PCDH15: variants seen among roughly 807,000 people sequenced by gnomAD.
The protein encoded by PCDH15 is protocadherin-15.
A neutral mutation model predicts 178.5 loss-of-function variants in PCDH15; 129 were observed. That is an observed-to-expected ratio of 0.72 (90% CI 0.63 to 0.84). PCDH15 has a LOEUF of 0.84. Ranked by LOEUF, PCDH15 falls within the 40% of genes least tolerant of loss-of-function variation. The pLI is 0.00. For missense variants in PCDH15, 2,230 were observed against 2,099.9 expected (o/e 1.06, Z -1.21); for synonymous variants, 800 against 732.0 (o/e 1.09, Z -1.50).
At chr10:55,336,397 C>T (rs898006893) in intron 2 of PCDH15, among the ~76,000 whole-genome samples, 2 of 152,092 alleles carry the variant, frequency 1.3e-5, no homozygotes, top group African/African-American at 4.8e-5. Context: ...ACTCAGGAGG[C>T]TGAGGCAGGA....
chr10:54,845,474 C>T (rs1467470169), intron 3 of PCDH15, among the ~76,000 whole-genome samples: 3 of 151,992 alleles, frequency 2.0e-5, no homozygotes, highest in South Asian at 2.1e-4. Flanking sequence ...GTTGCCATTC[C>T]GTAATTTGAC....
rs560663619 is a variant in PCDH15, at chr10:54,524,880, A to G, written c.157+2932T>C. Among the ~76,000 whole-genome samples, 7 of 152,340 alleles carry G rather than the reference A, an allele frequency of 4.6e-5. No homozygotes were observed. The East Asian group carries it at 1.2e-3, about 25-fold the overall frequency. ...TCTCTTGTTCAGCCCAAGATGATGTAATGAATCTGTCATTAAGGTGCTGTT... is the reference window on the plus strand; with the variant it reads ...TCTCTTGTTCAGCCCAAGATGATGTGATGAATCTGTCATTAAGGTGCTGTT... On this transcript the variant is annotated intron_variant, in intron 3 of 37. Transcript: ENST00000644397.
At chr10:55,227,407 T>C (rs1841080350) in intron 1 of PCDH15, among the ~76,000 whole-genome samples, 3 of 145,246 alleles carry the variant, frequency 2.1e-5, no homozygotes, top group African/African-American at 7.7e-5. Context: ...GAACAAGACA[T>C]GGAATGGGGA....
At chr10:55,132,906 AG>A (rs1400152278) in intron 2 of PCDH15, among the ~76,000 whole-genome samples, 1 of 152,202 alleles carries the variant, frequency 6.6e-6, no homozygotes, top group East Asian at 1.9e-4. Flanking sequence ...CTTATAAATA[AG>A]TTCTTCCTAA....
chr10:55,452,881 G>T (rs929555096), intron 2 of PCDH15, among the ~76,000 whole-genome samples: 10 of 152,058 alleles, frequency 6.6e-5, no homozygotes, highest in African/African-American at 2.2e-4. Context: ...TACCTTCAAA[G>T]AGTATATACT....
chr10:54,420,125 T>C (rs1774651), intron 3 of PCDH15, among the ~76,000 whole-genome samples: 31,255 of 152,014 alleles, frequency 0.21, 3,992 homozygotes, highest in African/African-American at 0.36. Context: ...AGATGGTAGG[T>C]ATATATAAAA....
chr10:54,900,416 A>T (rs1338361655), intron 2 of PCDH15, among the ~76,000 whole-genome samples: 2 of 152,204 alleles, frequency 1.3e-5, no homozygotes, highest in African/African-American at 2.4e-5. Context: ...GTCTTAAATA[A>T]TCCTTGTTGA....
intron 15 of PCDH15, among the ~76,000 whole-genome samples, chr10:54,097,893 A>C (rs1019730009): frequency 6.6e-6 from 1 of 152,150 alleles, no homozygotes; most frequent in Non-Finnish European, 1.5e-5. Flanking sequence ...TCCCTGATTT[A>C]TTAGACTGCA....
chr10:54,873,947 T>C (rs1954087290), intron 3 of PCDH15, among the ~76,000 whole-genome samples: 1 of 150,034 alleles, frequency 6.7e-6, no homozygotes, highest in Non-Finnish European at 1.5e-5. Context: ...TTCAGTTTTC[T>C]TTTTTTTCTT....
chr10:55,039,056 C>T (rs190701439), intron 2 of PCDH15, among the ~76,000 whole-genome samples: 1 of 151,934 alleles, frequency 6.6e-6, no homozygotes, highest in African/African-American at 2.4e-5. Flanking sequence ...ATTAATTATC[C>T]CATATCTCAA....
chr10:53,817,674 C>T (rs2076115206), intron 34 of PCDH15, among the ~76,000 whole-genome samples: 1 of 151,348 alleles, frequency 6.6e-6, no homozygotes, highest in Non-Finnish European at 1.5e-5. Context: ...GGCAGTAATC[C>T]TAGTTTCTAA....
intron 1 of PCDH15, among the ~76,000 whole-genome samples, chr10:55,202,839 C>T (rs1187353523): frequency 2.0e-5 from 3 of 152,104 alleles, no homozygotes; most frequent in African/African-American, 7.2e-5. Context: ...TCTCTCCTGC[C>T]TGCTGTGAAG....
chr10:53,849,605 C>T (rs1318101419), intron 28 of PCDH15, among the ~76,000 whole-genome samples: 1 of 152,000 alleles, frequency 6.6e-6, no homozygotes, highest in Non-Finnish European at 1.5e-5. Context: ...TGGCTCATGC[C>T]TGTAATCCCA....
chr10:54,205,495 G>GTGTGTGTT (rs2050705460), intron 10 of PCDH15, among the ~76,000 whole-genome samples: 1 of 151,066 alleles, frequency 6.6e-6, no homozygotes, highest in South Asian at 2.1e-4. Context: ...GTGTGTGTGT[G>GTGTGTGTT]TGTGTGTGTG....
chr10:54,887,634 GA>G (rs1954381911), intron 3 of PCDH15, among the ~76,000 whole-genome samples: 1 of 152,054 alleles, frequency 6.6e-6, no homozygotes, highest in African/African-American at 2.4e-5. Flanking sequence ...TTCTCTATTA[GA>G]TATAATTAAG....
chr10:54,088,942 T>C (rs2094556414), intron 16 of PCDH15, among the ~76,000 whole-genome samples: 1 of 151,732 alleles, frequency 6.6e-6, no homozygotes, highest in African/African-American at 2.4e-5. Flanking sequence ...TTTAACATTT[T>C]TATTTTCTTT....
At chr10:54,282,698 T>A (rs996270928) in intron 8 of PCDH15, among the ~76,000 whole-genome samples, 4 of 152,226 alleles carry the variant, frequency 2.6e-5, no homozygotes. Flanking sequence ...AAATATTTCA[T>A]TAGACTTGTG....
chr10:55,547,853 G>A (rs1841917248), intron 2 of PCDH15, among the ~76,000 whole-genome samples: 1 of 150,204 alleles, frequency 6.7e-6, no homozygotes, highest in South Asian at 2.1e-4. Flanking sequence ...TCACTCTGCA[G>A]TGAGGAAGCC....
At chr10:54,119,866 G>C (rs2095184310) in intron 15 of PCDH15, among the ~76,000 whole-genome samples, 1 of 151,136 alleles carries the variant, frequency 6.6e-6, no homozygotes, top group African/African-American at 2.4e-5. Context: ...GTGGTTTGCT[G>C]CACTCATCCA....
Sources: gnomAD v4.1 joint callset for allele counts (sites outside exome capture counted in the v4.1 genomes callset) on GRCh38, gnomAD v4.1.1 for gene constraint, MANE v1.5 for transcripts, NCBI Gene and HGNC (gene_info 2026-07-23, HGNC 2026-07-21) for gene names.